The following SETD3 variants were observed in gnomAD, a reference collection of about 807,000 sequenced individuals.
SETD3 encodes SET domain containing 3, actin N3(tau)-histidine methyltransferase, also known as actin-histidine N-methyltransferase.
SETD3 carries 19 observed loss-of-function variants against 63.0 expected under a neutral mutation model. That is an observed-to-expected ratio of 0.30 (90% CI 0.21 to 0.44). SETD3 has a LOEUF of 0.44. SETD3 is among the 20% of genes least tolerant of loss of function. The pLI is 1.00. For missense variants in SETD3, 587 were observed against 728.5 expected (o/e 0.81, Z 2.24); for synonymous variants, 286 against 264.1 (o/e 1.08, Z -0.80).
At chr14:99,442,520 G>C (rs567360978) in intron 6 of SETD3, among the ~76,000 whole-genome samples, 1 of 152,316 alleles carries the variant, frequency 6.6e-6, no homozygotes, top group Admixed American at 6.5e-5. Context: ...TGCCACTCCT[G>C]AGACAGCAAG....
intron 6 of SETD3, among the ~76,000 whole-genome samples, chr14:99,435,607 A>G (rs1385105457): frequency 6.6e-6 from 1 of 152,170 alleles, no homozygotes; most frequent in Non-Finnish European, 1.5e-5. Flanking sequence ...GCACCCCTAA[A>G]GGGCCATGAC....
At chr14:99,445,866 T>C (rs190536476) in intron 6 of SETD3, among the ~76,000 whole-genome samples, 1 of 152,356 alleles carries the variant, frequency 6.6e-6, no homozygotes, top group East Asian at 1.9e-4. Context: ...GGTTTTGTTT[T>C]AAAGCAGGTT....
chr14:99,415,933 A>T (rs1892267328), intron 6 of SETD3, among the ~76,000 whole-genome samples: 1 of 152,166 alleles, frequency 6.6e-6, no homozygotes, highest in Non-Finnish European at 1.5e-5. Context: ...GATATTTCCC[A>T]GGGCAAGGCC....
chr14:99,399,178 A>G, intron 12 of SETD3, 53 bp from the exon 13 acceptor site: 1 of 1,538,348 alleles, frequency 6.5e-7, no homozygotes, highest in East Asian at 2.2e-5. Flanking sequence ...GCAAAACTAT[A>G]GAGACAGAGG....
chr14:99,438,438 T>TTAGA (rs1893610499), intron 6 of SETD3, among the ~76,000 whole-genome samples: 3 of 152,362 alleles, frequency 2.0e-5, no homozygotes, highest in Middle Eastern at 6.8e-3. Context: ...TTTAGACAAG[T>TTAGA]TAGAATAAGC....
At chr14:99,443,881 G>C (rs934377834) in intron 6 of SETD3, among the ~76,000 whole-genome samples, 7 of 152,204 alleles carry the variant, frequency 4.6e-5, no homozygotes, top group African/African-American at 1.7e-4. Flanking sequence ...TGCAAAATCA[G>C]ATCTTGAGCA....
intron 1 of SETD3, among the ~76,000 whole-genome samples, chr14:99,466,503 G>GTA (rs1418682018): frequency 6.6e-6 from 1 of 152,200 alleles, no homozygotes; most frequent in Admixed American, 6.5e-5. Flanking sequence ...AGACCATGTG[G>GTA]TATAGGACAC....
At chr14:99,403,635 C>A (rs980909480) in intron 11 of SETD3, among the ~76,000 whole-genome samples, 2 of 152,160 alleles carry the variant, frequency 1.3e-5, no homozygotes, top group Non-Finnish European at 2.9e-5. Context: ...AAAGTAGATG[C>A]TCAATACAAA....
intron 6 of SETD3, among the ~76,000 whole-genome samples, chr14:99,436,774 C>G (rs1437157242): frequency 6.6e-6 from 1 of 152,156 alleles, no homozygotes; most frequent in Admixed American, 6.5e-5. Flanking sequence ...CACTACTACT[C>G]GTGGCCCCAC....
chr14:99,458,183 TCC>T (rs1422959278), intron 6 of SETD3, 94 bp downstream of exon 6: 40 of 1,341,282 alleles, frequency 3.0e-5, no homozygotes. Flanking sequence ...TGTTTAAGTA[TCC>T]TTAATAAGAC....
chr14:99,422,081 C>G (rs982010858), intron 6 of SETD3, among the ~76,000 whole-genome samples: 11 of 152,066 alleles, frequency 7.2e-5, no homozygotes, highest in African/African-American at 2.7e-4. Flanking sequence ...GAAAGAATAC[C>G]ATGTTTAGCT....
Position 99,429,073 on chromosome 14 carries a change from A to C in SETD3, c.676-15139T>G, listed in dbSNP as rs545185655. Among the ~76,000 whole-genome samples the C allele has an allele frequency of 2.4e-3, 371 of 152,340 alleles. 1 individual carries two copies. Among genetic ancestry groups the C allele is most frequent in the African/African-American group, 8.6e-3 (358 of 41,570 alleles). On this transcript the variant is annotated intron_variant, in intron 6 of 12. Transcript: ENST00000331768. ...AAATTCACACAAACATATGACTATT[A>C]GTCAAGATGGGCTGGAATCTGCCAT...
intron 6 of SETD3, among the ~76,000 whole-genome samples, chr14:99,429,547 T>C (rs1407406782): frequency 6.6e-6 from 1 of 152,228 alleles, no homozygotes; most frequent in East Asian, 1.9e-4. Context: ...TTCATGATTG[T>C]CATTAATATG....
intron 11 of SETD3, among the ~76,000 whole-genome samples, chr14:99,403,455 A>ACTCTCACTCTCTCTCTCTCTCTCT (rs1891501769): frequency 7.4e-6 from 1 of 135,456 alleles, no homozygotes; most frequent in African/African-American, 3.0e-5. Context: ...ACACACACAC[A>ACTCTCACTCTCTCTCTCTCTCTCT]CTCTCTCTCT....
Position 99,400,141 on chromosome 14 carries a change from A to G in SETD3, c.1296T>C (p.Asp432=). The G allele has an allele frequency of 6.2e-7, 1 of 1,614,090 alleles. No individual in the cohort carries two copies. The highest frequency in any genetic ancestry group is 8.5e-7 in the Non-Finnish European group (1 of 1,179,984). Residue 432 remains aspartate, a synonymous_variant, in exon 12 of 13, where the codon GAT becomes GAC. Transcript: ENST00000331768. ...NEVKLWTFLE[D]RASLLLKTYK... is the part of the protein sequence containing the mutation. ...ATGTTTTTAAAAGAAGTGAGGCTCT[A>G]TCTTCAAGAAATGTCCAAAGTTTGA...
At chr14:99,480,096 G>A (rs901110664) in intron 1 of SETD3, among the ~76,000 whole-genome samples, 2 of 152,230 alleles carry the variant, frequency 1.3e-5, no homozygotes, top group African/African-American at 2.4e-5. Context: ...GGGCGCGTGG[G>A]AAGAAAGACG....
chr14:99,451,404 T>C (rs149374638), intron 6 of SETD3, among the ~76,000 whole-genome samples: 1 of 152,354 alleles, frequency 6.6e-6, no homozygotes, highest in East Asian at 1.9e-4. Flanking sequence ...TCAGCCACAA[T>C]TTCTAAACTT....
chr14:99,474,352 A>T (rs1895859351), intron 1 of SETD3, among the ~76,000 whole-genome samples: 1 of 151,972 alleles, frequency 6.6e-6, no homozygotes, highest in African/African-American at 2.4e-5. Context: ...TTAAATAAAT[A>T]AAAGAACTGA....
Position 99,400,085 on chromosome 14 carries a change from T to C in SETD3, c.1338+14A>G, listed in dbSNP as rs1318698983. 6 of 1,594,128 alleles carry C rather than the reference T, an allele frequency of 3.8e-6. No individual in the cohort carries two copies. In the African/African-American group the frequency reaches 6.8e-5, roughly 18 times the overall value. ...CACAACAAGTTCAAAACCTCATTTA[T>C]TTAGTGTAATTACCTCAATAGTTGT... On this transcript the variant is annotated intron_variant, in intron 12 of 12. Transcript: ENST00000331768.
Sources: allele counts gnomAD v4.1 joint callset (sites outside exome capture counted in the v4.1 genomes callset), GRCh38; gene constraint gnomAD v4.1.1; transcripts MANE v1.5; gene names NCBI Gene and HGNC (gene_info 2026-07-23, HGNC 2026-07-21).